The following PIGU variants were observed in gnomAD, a reference collection of about 807,000 sequenced individuals.
The protein encoded by PIGU is phosphatidylinositol glycan anchor biosynthesis class U, also known as GPI-anchor transamidase component PIGU.
In PIGU, 24 loss-of-function variants were observed where a neutral mutation model predicts 49.9. That is an observed-to-expected ratio of 0.48 (90% confidence interval 0.35 to 0.68). The LOEUF (loss-of-function observed/expected upper bound fraction) is 0.68, where lower values mean the gene tolerates loss of function less well. Among genes scored for constraint, PIGU ranks in the 30% least tolerant of loss-of-function variants. The probability of loss-of-function intolerance (pLI) is 0.01; values close to 1 mark genes in which losing one functional copy is unlikely to be tolerated. For missense variants in PIGU, 490 were observed against 532.6 expected, an observed-to-expected ratio of 0.92 and a Z score of 0.79; for synonymous variants, 220 against 205.7, an observed-to-expected ratio of 1.07 and a Z score of -0.59.
chr20:34,650,700 C>CTCTTTTT (rs1986509194), intron 2 of PIGU, among the ~76,000 whole-genome samples: 1 of 38,796 alleles, frequency 2.6e-5, no homozygotes, highest in African/African-American at 1.2e-4. Flanking sequence ...CTTTTTTTCT[C>CTCTTTTT]TTTTTTTTTT....
intron 7 of PIGU, among the ~76,000 whole-genome samples, chr20:34,600,468 A>G (rs1308066593): frequency 1.3e-5 from 2 of 152,098 alleles, no homozygotes; most frequent in African/African-American, 2.4e-5. Flanking sequence ...AACAAAGAGA[A>G]GGCATCCATA....
intron 1 of PIGU, among the ~76,000 whole-genome samples, chr20:34,667,077 A>G (rs1156286428): frequency 6.6e-6 from 1 of 151,920 alleles, no homozygotes; most frequent in South Asian, 2.1e-4. Flanking sequence ...CCCGGCCTCA[A>G]GCGATCTACC....
intron 7 of PIGU, among the ~76,000 whole-genome samples, chr20:34,601,206 G>A (rs1984409584): frequency 6.6e-6 from 1 of 152,074 alleles, no homozygotes; most frequent in South Asian, 2.1e-4. Context: ...ACTGGAAAAT[G>A]ATTTTTTTTC....
chr20:34,600,278 G>A (rs1490757701), intron 7 of PIGU, among the ~76,000 whole-genome samples: 1 of 152,018 alleles, frequency 6.6e-6, no homozygotes, highest in African/African-American at 2.4e-5. Flanking sequence ...TTGGTGGTGG[G>A]CATCTGTAAT....
intron 7 of PIGU, among the ~76,000 whole-genome samples, chr20:34,599,640 T>G (rs1984336289): frequency 1.3e-5 from 2 of 152,170 alleles, no homozygotes; most frequent in Non-Finnish European, 2.9e-5. Flanking sequence ...AAGTTGAGGC[T>G]GAAACTAACT....
chr20:34,629,236 G>A (rs903856520), intron 6 of PIGU, among the ~76,000 whole-genome samples: 8 of 152,016 alleles, frequency 5.3e-5, no homozygotes, highest in Admixed American at 2.0e-4. Flanking sequence ...GGCTAGTCTT[G>A]AACTTCTGAC....
rs528742711 is a variant in PIGU at position 34,626,145 on chromosome 20, C to T, written c.529+8470G>A. Among the ~76,000 whole-genome samples, 9 of 151,808 alleles carry T rather than the reference C, an allele frequency of 5.9e-5. No homozygotes were observed. The East Asian group carries it at 1.3e-3, about 23-fold the overall frequency. On this transcript the variant is annotated intron_variant, in intron 6 of 11. Transcript: ENST00000217446. The stretch of plus-strand genomic sequence containing the variant: ...TTTCCAGTGATTATAAATAATTCTG[C>T]GATTAATAACTTTGTACCATAAAGC...
At chr20:34,576,468 C>T (rs1378007031) in intron 10 of PIGU, among the ~76,000 whole-genome samples, 6 of 152,058 alleles carry the variant, frequency 3.9e-5, no homozygotes, top group Non-Finnish European at 5.9e-5. Context: ...TAGAGGAGAA[C>T]CCCTTGCTTG....
chr20:34,587,956 T>A (rs1983767431), intron 8 of PIGU, among the ~76,000 whole-genome samples: 1 of 152,240 alleles, frequency 6.6e-6, no homozygotes, highest in Admixed American at 6.5e-5. Context: ...GCAATGAACA[T>A]GGGAGTGCAG....
chr20:34,650,698 C>CTTTTTTT (rs1568658806), intron 2 of PIGU, among the ~76,000 whole-genome samples: 6 of 43,948 alleles, frequency 1.4e-4, no homozygotes, highest in East Asian at 6.3e-4. Context: ...TTCTTTTTTT[C>CTTTTTTT]TCTTTTTTTT....
Position 34,663,188 on chromosome 20 carries a change from A to G in PIGU, c.131-5944T>C, listed in dbSNP as rs1358969464. 2.0e-5 allele frequency among the ~76,000 whole-genome samples: 3 copies of G among 152,192 alleles called. 1 individual carries two copies. Among genetic ancestry groups the G allele is most frequent in the Non-Finnish European group, 4.4e-5 (3 of 68,030 alleles). ...CCAAAGTGGTGGGATTACAGGCGTG[A>G]GCCACTGCACCTAGCTACTTTTTAT... On this transcript the variant is annotated intron_variant, in intron 1 of 11. Transcript: ENST00000217446.
intron 11 of PIGU, chr20:34,562,523 C>T: frequency 7.8e-7 from 1 of 1,289,376 alleles, no homozygotes; most frequent in Non-Finnish European, 1.0e-6. Flanking sequence ...GCTCTGATGG[C>T]CTCAGGACAA....
chr20:34,659,079 G>A (rs547356246), intron 1 of PIGU, among the ~76,000 whole-genome samples: 11 of 146,386 alleles, frequency 7.5e-5, no homozygotes, highest in African/African-American at 2.8e-4. Flanking sequence ...GGGAGGTGGG[G>A]GGGTCAGCCC....
intron 11 of PIGU, among the ~76,000 whole-genome samples, chr20:34,574,360 T>C (rs746955162): frequency 6.6e-6 from 1 of 152,236 alleles, no homozygotes; most frequent in East Asian, 1.9e-4. Context: ...AGCCATGTAC[T>C]TGGGACGGCT....
intron 1 of PIGU, among the ~76,000 whole-genome samples, chr20:34,658,063 C>T (rs1986767331): frequency 6.6e-6 from 1 of 152,106 alleles, no homozygotes. Context: ...GACTGTACTG[C>T]TGCCATCTCG....
Position 34,571,576 on chromosome 20 carries a change from T to A in PIGU, c.1194+3528A>T, listed in dbSNP as rs142962028. 2.9e-3 allele frequency among the ~76,000 whole-genome samples: 444 copies of A among 152,250 alleles called. 2 individuals carry two copies. Among genetic ancestry groups the A allele is most frequent in the African/African-American group, 0.01 (422 of 41,548 alleles). ...ATGAGGCAGGTGAATACCAGGCACC[T>A]TCCTAGCTCACAGCAGGATATGGAA... On this transcript the variant is annotated intron_variant, in intron 11 of 11. Coordinates refer to ENST00000217446, the MANE Select transcript of PIGU (RefSeq NM_080476.5).
At chr20:34,653,904 C>G (rs898388877) in intron 2 of PIGU, among the ~76,000 whole-genome samples, 3 of 151,692 alleles carry the variant, frequency 2.0e-5, no homozygotes, top group African/African-American at 7.3e-5. Flanking sequence ...GTCACCCAGG[C>G]TGGAGTGCAG....
intron 11 of PIGU, among the ~76,000 whole-genome samples, chr20:34,566,743 T>A (rs1405894992): frequency 1.3e-5 from 2 of 152,130 alleles, no homozygotes; most frequent in Non-Finnish European, 2.9e-5. Context: ...GGGCCAGTCC[T>A]GCCTGTCAGA....
intron 6 of PIGU, among the ~76,000 whole-genome samples, chr20:34,620,636 C>G (rs760198145): frequency 1.3e-5 from 2 of 151,822 alleles, no homozygotes; most frequent in Non-Finnish European, 2.9e-5. Flanking sequence ...ACGGTGAAAC[C>G]CTGTTTCTAC....
Sources: gnomAD v4.1 joint callset for allele counts (sites outside exome capture counted in the v4.1 genomes callset) on GRCh38, gnomAD v4.1.1 for gene constraint, MANE v1.5 for transcripts, NCBI Gene and HGNC (gene_info 2026-07-23, HGNC 2026-07-21) for gene names.